The following SHTN1 variants were observed in gnomAD, a reference collection of about 807,000 sequenced individuals.
SHTN1 encodes shootin 1.
SHTN1 carries 42 observed loss-of-function variants against 83.1 expected under a neutral mutation model. That is an observed-to-expected ratio of 0.51 (90% CI 0.39 to 0.65). The LOEUF (loss-of-function observed/expected upper bound fraction) is 0.65. Among genes scored for constraint, SHTN1 ranks in the 30% least tolerant of loss-of-function variants. The pLI is 0.00. For synonymous variants in SHTN1, 224 were observed against 247.7 expected, an observed-to-expected ratio of 0.90 and a Z score of 0.90; for missense variants, 622 against 737.8, an observed-to-expected ratio of 0.84 and a Z score of 1.82.
chr10:116,911,915 G>C, intron 13 of SHTN1, 72 bp from the exon 14 acceptor site: 1 of 1,077,404 alleles, frequency 9.3e-7, no homozygotes, highest in Non-Finnish European at 1.4e-6. Context: ...ATTTTTACAT[G>C]GCAAACTATT....
rs79535654 is a variant in SHTN1, at chr10:117,118,130, A to C, written c.-189+8177T>G. Among the ~76,000 whole-genome samples the C allele has an allele frequency of 1.8e-3, 277 of 152,310 alleles. 2 individuals are homozygous for C. Among genetic ancestry groups the C allele is most frequent in the African/African-American group, 6.4e-3 (266 of 41,568 alleles). On this transcript the variant is annotated intron_variant, in intron 1 of 17. Transcript: ENST00000392901. ...CCACAGAATGGGGGGAAATATTTGG[A>C]AACTGTCCATATGGCAAGGGATTAA...
intron 16 of SHTN1, among the ~76,000 whole-genome samples, chr10:116,890,691 G>T (rs1847314884): frequency 6.6e-6 from 1 of 152,204 alleles, no homozygotes; most frequent in Non-Finnish European, 1.5e-5. Context: ...TGACCTTTTA[G>T]AAAGCAGCTA....
chr10:116,943,603 A>G lies in SHTN1; in HGVS notation c.711+1321T>C, dbSNP rs76681324. 2.6e-3 allele frequency among the ~76,000 whole-genome samples: 397 copies of G among 152,308 alleles called. 2 individuals carry two copies. Among genetic ancestry groups the G allele is most frequent in the Non-Finnish European group, 4.3e-3 (295 of 68,020 alleles). Reference sequence around the variant, plus strand: ...TTACTCACCTTTCATTAAACTCTCTAAATAAAACGAATCATAATATTTCAA... The same window carrying G: ...TTACTCACCTTTCATTAAACTCTCTGAATAAAACGAATCATAATATTTCAA... On this transcript the variant is annotated intron_variant, in intron 8 of 16. Coordinates refer to ENST00000355371, the MANE Select transcript of SHTN1 (RefSeq NM_001127211.3).
At chr10:117,079,079 CAT>C (rs1418996127) in intron 1 of SHTN1, among the ~76,000 whole-genome samples, 1 of 151,690 alleles carries the variant, frequency 6.6e-6, no homozygotes, top group African/African-American at 2.4e-5. Flanking sequence ...TACATGTGCA[CAT>C]TGTGCAGGTT....
intron 2 of SHTN1, among the ~76,000 whole-genome samples, chr10:117,021,403 C>T (rs983253555): frequency 6.6e-6 from 1 of 151,852 alleles, no homozygotes; most frequent in African/African-American, 2.4e-5. Flanking sequence ...GACTTCATCT[C>T]GAAATTATAA....
intron 1 of SHTN1, among the ~76,000 whole-genome samples, chr10:117,058,529 T>C (rs1852857084): frequency 6.6e-6 from 1 of 152,024 alleles, no homozygotes; most frequent in African/African-American, 2.4e-5. Context: ...CAGAAAATAA[T>C]ACATGCTGGT....
intron 3 of SHTN1, among the ~76,000 whole-genome samples, chr10:116,965,819 T>A (rs1219516941): frequency 6.6e-6 from 1 of 152,152 alleles, no homozygotes; most frequent in African/African-American, 2.4e-5. Context: ...TGAAGCAAGG[T>A]CATTTATACC....
upstream of SHTN1, among the ~76,000 whole-genome samples, chr10:117,008,537 T>TG (rs1459805330): frequency 6.6e-6 from 1 of 152,172 alleles, no homozygotes; most frequent in Non-Finnish European, 1.5e-5. Context: ...TACTGATATA[T>TG]GGTACAACAC....
rs113294467 is a variant in SHTN1 at position 116,940,266 on chromosome 10, G to A, written c.858+200C>T. Among the ~76,000 whole-genome samples, 96 of 152,228 alleles carry A rather than the reference G, an allele frequency of 6.3e-4. 1 individual carries two copies. Among genetic ancestry groups the A allele is most frequent in the Admixed American group, 7.2e-4 (11 of 15,282 alleles). On this transcript the variant is annotated intron_variant, in intron 9 of 16. Transcript: ENST00000355371. ...AGATTATTATAAAGTCTATAATAGC[G>A]TATTACAAATTTCAGTTTCACAACA...
At chr10:117,003,730 A>G (rs1851903248) in intron 1 of SHTN1, among the ~76,000 whole-genome samples, 1 of 152,096 alleles carries the variant, frequency 6.6e-6, no homozygotes, top group East Asian at 1.9e-4. Flanking sequence ...AGCTGGGCCA[A>G]GAGAAGTGAA....
chr10:117,042,718 C>G (rs951069396), intron 2 of SHTN1, among the ~76,000 whole-genome samples: 1 of 151,908 alleles, frequency 6.6e-6, no homozygotes, highest in Non-Finnish European at 1.5e-5. Flanking sequence ...CAGGTTCAAG[C>G]GATTCTCCTG....
At chr10:117,074,911 G>A (rs190559789) in intron 1 of SHTN1, among the ~76,000 whole-genome samples, 116 of 152,156 alleles carry the variant, frequency 7.6e-4, no homozygotes, top group Non-Finnish European at 1.1e-3. Flanking sequence ...TATACTTGAG[G>A]AATTAAGAAA....
intron 1 of SHTN1, among the ~76,000 whole-genome samples, chr10:116,990,828 G>A (rs1435841743): frequency 1.3e-5 from 2 of 152,090 alleles, no homozygotes; most frequent in African/African-American, 4.8e-5. Flanking sequence ...TGGGAGTGGT[G>A]TGGCTCTTGG....
At chr10:117,066,886 T>G (rs1202337757) in intron 1 of SHTN1, among the ~76,000 whole-genome samples, 1 of 152,188 alleles carries the variant, frequency 6.6e-6, no homozygotes, top group Non-Finnish European at 1.5e-5. Flanking sequence ...ATCTGTGAAA[T>G]AAAAGCTACA....
intron 1 of SHTN1, among the ~76,000 whole-genome samples, chr10:117,103,943 A>G (rs1244710783): frequency 6.6e-6 from 1 of 152,212 alleles, no homozygotes; most frequent in African/African-American, 2.4e-5. Context: ...CAAATTAATG[A>G]GCAATTAGTA....
intron 2 of SHTN1, among the ~76,000 whole-genome samples, chr10:117,018,355 T>C (rs1031385043): frequency 1.3e-5 from 2 of 151,354 alleles, no homozygotes; most frequent in African/African-American, 4.9e-5. Flanking sequence ...CATATTAACA[T>C]AGTAAAAATG....
At chr10:117,126,339 C>T in exon 1 of SHTN1, 1 of 164,726 alleles carries the variant, frequency 6.1e-6, no homozygotes, top group Non-Finnish European at 1.3e-5. Context: ...CCTCCGTCGA[C>T]GGAAGCTGTG....
chr10:117,007,651 A>T (rs140366722), upstream of SHTN1, among the ~76,000 whole-genome samples: 174 of 150,402 alleles, frequency 1.2e-3, 1 homozygote, highest in African/African-American at 4.0e-3. Context: ...TAGAGTCCTT[A>T]TTGGGATTCA....
At chr10:116,990,286 TC>T (rs1403438400) in intron 1 of SHTN1, among the ~76,000 whole-genome samples, 8 of 57,684 alleles carry the variant, frequency 1.4e-4, no homozygotes, top group South Asian at 9.3e-4. Context: ...CTTTTTTCTT[TC>T]TTTTTTTTTT....
Sources: gnomAD v4.1 joint callset for allele counts (sites outside exome capture counted in the v4.1 genomes callset) on GRCh38, gnomAD v4.1.1 for gene constraint, MANE v1.5 for transcripts, NCBI Gene and HGNC (gene_info 2026-07-23, HGNC 2026-07-21) for gene names.